PAK5: variants seen among roughly 807,000 people sequenced by gnomAD.
PAK5 encodes the protein serine/threonine-protein kinase PAK 5.
A neutral mutation model predicts 65.9 loss-of-function variants in PAK5; 16 were observed. That is an observed-to-expected ratio of 0.24 (90% CI 0.16 to 0.37). The LOEUF (loss-of-function observed/expected upper bound fraction) is 0.37, where lower values mean the gene tolerates loss of function less well. Among genes scored for constraint, PAK5 ranks in the 10% least tolerant of loss-of-function variants. The pLI is 1.00. For synonymous variants in PAK5, 371 were observed against 354.9 expected (o/e 1.05, Z -0.51); for missense variants, 785 against 903.9 (o/e 0.87, Z 1.69).
intron 1 of PAK5, among the ~76,000 whole-genome samples, chr20:9,756,112 T>C (rs955351307): frequency 6.6e-6 from 1 of 152,172 alleles, no homozygotes; most frequent in Admixed American, 6.5e-5. Flanking sequence ...GAGGACTGAA[T>C]TTGTGCTAAT....
chr20:9,587,233 C>T (rs929849680), intron 3 of PAK5, among the ~76,000 whole-genome samples: 8 of 152,036 alleles, frequency 5.3e-5, no homozygotes, highest in Admixed American at 1.3e-4. Context: ...AGAAATAAAT[C>T]TAGCTTCATA....
At chr20:9,669,022 C>A (rs1219689294) in intron 2 of PAK5, among the ~76,000 whole-genome samples, 2 of 152,106 alleles carry the variant, frequency 1.3e-5, no homozygotes, top group Non-Finnish European at 2.9e-5. Flanking sequence ...AACACAAAAT[C>A]CAACCTTGTG....
At chr20:9,712,356 G>A (rs1949333155) in intron 1 of PAK5, among the ~76,000 whole-genome samples, 1 of 152,060 alleles carries the variant, frequency 6.6e-6, no homozygotes, top group Non-Finnish European at 1.5e-5. Context: ...ATTATAGATA[G>A]GGTAGAAAAG....
Position 9,618,534 on chromosome 20 carries a change from G to A in PAK5, c.204+25591C>T, listed in dbSNP as rs563907943. On this transcript the variant is annotated intron_variant, in intron 3 of 9. Coordinates refer to ENST00000353224, the MANE Select transcript of PAK5 (RefSeq NM_177990.4). ...TAATTTTCCTGCCACAGCCTCCCGA[G>A]TAGCTGAGATTGCAGGCATGTGCCA... 1.5e-4 allele frequency among the ~76,000 whole-genome samples: 22 copies of A among 151,374 alleles called. No homozygotes were observed. In the South Asian group the frequency reaches 4.4e-3, roughly 30 times the overall value.
At chr20:9,720,347 T>C (rs1474075083) in intron 1 of PAK5, among the ~76,000 whole-genome samples, 2 of 152,290 alleles carry the variant, frequency 1.3e-5, no homozygotes, top group South Asian at 2.1e-4. Flanking sequence ...ACACAAACCC[T>C]TTCATATTAC....
intron 1 of PAK5, among the ~76,000 whole-genome samples, chr20:9,759,446 C>T: frequency 6.6e-6 from 1 of 152,212 alleles, no homozygotes; most frequent in Middle Eastern, 3.4e-3. Context: ...TTGCCTCACA[C>T]CTATGGGAAA....
At chr20:9,609,618 G>A (rs2046520680) in intron 3 of PAK5, among the ~76,000 whole-genome samples, 1 of 152,200 alleles carries the variant, frequency 6.6e-6, no homozygotes, top group Non-Finnish European at 1.5e-5. Flanking sequence ...AGTGGTCAAA[G>A]CCATCAGAGG....
intron 2 of PAK5, among the ~76,000 whole-genome samples, chr20:9,695,530 G>C (rs757697998): frequency 1.3e-5 from 2 of 151,958 alleles, no homozygotes; most frequent in Non-Finnish European, 2.9e-5. Context: ...ATTCTAAAAA[G>C]GGAAATGCAG....
At chr20:9,752,617 G>C (rs2048589482) in intron 1 of PAK5, among the ~76,000 whole-genome samples, 1 of 152,008 alleles carries the variant, frequency 6.6e-6, no homozygotes, top group Admixed American at 6.6e-5. Context: ...ATCACACATA[G>C]CCCATAAATA....
chr20:9,560,595 C>A (rs893726679), intron 6 of PAK5, among the ~76,000 whole-genome samples: 1 of 152,190 alleles, frequency 6.6e-6, no homozygotes. Flanking sequence ...CTCCTGTGCT[C>A]ACGTGATCCT....
chr20:9,645,114 C>T (rs553751655), intron 2 of PAK5, among the ~76,000 whole-genome samples: 1 of 152,300 alleles, frequency 6.6e-6, no homozygotes, highest in African/African-American at 2.4e-5. Flanking sequence ...ATTAATTATA[C>T]ACCTCTGGAC....
intron 2 of PAK5, among the ~76,000 whole-genome samples, chr20:9,688,543 G>A (rs1375893453): frequency 1.3e-5 from 2 of 151,864 alleles, no homozygotes; most frequent in Non-Finnish European, 2.9e-5. Flanking sequence ...CTTTCCTGCT[G>A]CTGATAGCAT....
chr20:9,722,357 C>A (rs1052605102), intron 1 of PAK5, among the ~76,000 whole-genome samples: 1 of 152,166 alleles, frequency 6.6e-6, no homozygotes, highest in African/African-American at 2.4e-5. Flanking sequence ...TCGTGGCTGA[C>A]GCCTGTAATC....
At chr20:9,592,990 T>C (rs1487546241) in intron 3 of PAK5, among the ~76,000 whole-genome samples, 1 of 152,110 alleles carries the variant, frequency 6.6e-6, no homozygotes, top group Non-Finnish European at 1.5e-5. Context: ...AAAGAAATGA[T>C]GCTATTCATA....
rs1246844808 is a variant in PAK5, at chr20:9,838,305, C to A, written c.-162+457G>T. Reference sequence around the variant, plus strand: ...CACCTGCCAAAAGACAAAAACCATGCGGGAATCCTGCTCTGGCAATATGTC... The same window carrying A: ...CACCTGCCAAAAGACAAAAACCATGAGGGAATCCTGCTCTGGCAATATGTC... On this transcript the variant is annotated intron_variant, in intron 1 of 9. Transcript: ENST00000353224. The surrounding 1 kb of genome is among the most constrained non-coding windows in gnomAD (Gnocchi z 4.5). Among the ~76,000 whole-genome samples the A allele has an allele frequency of 1.3e-5, 2 of 152,152 alleles. No individual in the cohort carries two copies. Among genetic ancestry groups the A allele is most frequent in the East Asian group, 3.9e-4 (2 of 5,166 alleles).
chr20:9,802,078 G>A (rs1263895113), intron 1 of PAK5, among the ~76,000 whole-genome samples: 1 of 152,150 alleles, frequency 6.6e-6, no homozygotes, highest in African/African-American at 2.4e-5. Context: ...GGAAGTAAAA[G>A]AGCAAGAATT....
chr20:9,549,577 T>G (rs1468797713), intron 7 of PAK5, among the ~76,000 whole-genome samples: 1 of 152,118 alleles, frequency 6.6e-6, no homozygotes, highest in Non-Finnish European at 1.5e-5. Context: ...TAAAACTGAT[T>G]GAACACCAGC....
chr20:9,580,278 G>A lies in PAK5; in HGVS notation c.857C>T (p.Ser286Phe). 1.2e-6 allele frequency: 2 copies of A among 1,614,136 alleles called. No individual in the cohort carries two copies. Among genetic ancestry groups the A allele is most frequent in the Non-Finnish European group, 1.7e-6 (2 of 1,180,016 alleles). ...TTCCTGGAGTCCCGAGCCTGACCTG[G>A]ACCTCTGCCGCATGGTGGGCTGAGG... is the stretch of plus-strand genomic sequence containing the variant. ...TSPQPTMRQR[S>F]RSGSGLQEPM... is the part of the protein sequence containing the mutation. Residue 286 changes from serine (S) to phenylalanine (F), a missense_variant, in exon 4 of 10, where the codon TCC becomes TTC. Transcript: ENST00000353224.
chr20:9,666,112 G>C (rs943797527), intron 2 of PAK5, among the ~76,000 whole-genome samples: 1 of 152,142 alleles, frequency 6.6e-6, no homozygotes, highest in Non-Finnish European at 1.5e-5. Flanking sequence ...AAGAAGGGAA[G>C]GAGGAAGGGA....
Sources: gnomAD v4.1 joint callset for allele counts (sites outside exome capture counted in the v4.1 genomes callset) on GRCh38, gnomAD v4.1.1 for gene constraint, Gnocchi (gnomAD v3.1) non-coding constraint, MANE v1.5 for transcripts, NCBI Gene and HGNC (gene_info 2026-07-23, HGNC 2026-07-21) for gene names.